Variants in PATJ observed in about 807,000 individuals in gnomAD.
The protein encoded by PATJ is PATJ crumbs cell polarity complex component.
Under a neutral mutation model 224.9 loss-of-function variants are expected in PATJ, and 190 were observed. The ratio of observed to expected loss-of-function variants is 0.84; its 90% CI spans 0.75 to 0.95. The LOEUF (loss-of-function observed/expected upper bound fraction) is 0.95, where lower values mean the gene tolerates loss of function less well. Among genes scored for constraint, PATJ ranks in the 40% least tolerant of loss-of-function variants. The pLI is 0.00. For synonymous variants in PATJ, 769 were observed against 820.3 expected (o/e 0.94, Z 1.07); for missense variants, 2,121 against 2,270.3 (o/e 0.93, Z 1.34).
chr1:62,126,007 G>A (rs577575856), intron 39 of PATJ, among the ~76,000 whole-genome samples: 20 of 152,326 alleles, frequency 1.3e-4, no homozygotes, highest in African/African-American at 4.3e-4. Context: ...CTGACCTCGA[G>A]TGTTCCACCC....
chr1:62,060,029 A>T (rs1655165809), intron 31 of PATJ, among the ~76,000 whole-genome samples: 1 of 152,164 alleles, frequency 6.6e-6, no homozygotes, highest in Admixed American at 6.5e-5. Context: ...CTGTTTTTAG[A>T]TGTCTCTGTA....
At chr1:61,838,362 T>C (rs1056256976) in intron 17 of PATJ, among the ~76,000 whole-genome samples, 5 of 147,456 alleles carry the variant, frequency 3.4e-5, no homozygotes. Context: ...CTCTGTTTCT[T>C]TTTTTTTTTT....
At chr1:62,100,278 C>T (rs1193912281) in intron 33 of PATJ, 1 of 693,302 alleles carries the variant, frequency 1.4e-6, no homozygotes, top group Non-Finnish European at 2.7e-6. Flanking sequence ...ATATCTGAGA[C>T]TGGGTAATTT....
intron 33 of PATJ, among the ~76,000 whole-genome samples, chr1:62,095,193 G>T (rs190017516): frequency 6.6e-6 from 1 of 152,272 alleles, no homozygotes; most frequent in East Asian, 1.9e-4. Flanking sequence ...TTGAGTGTTA[G>T]ATTCATCCAA....
At position 61,861,542 on chromosome 1, in the gene PATJ, T is replaced by C. The variant is rs1031648316; in HGVS notation, c.2323-9T>C. 1 of 1,201,408 alleles carries C rather than the reference T, an allele frequency of 8.3e-7. No individual in the cohort carries two copies. The highest frequency in any genetic ancestry group is 1.2e-6 in the Non-Finnish European group (1 of 842,500). 74.4% of individuals were successfully genotyped at this position (1,201,408 alleles called of 1,614,324 possible). Reference sequence around the variant, plus strand: ...CTTATTTATAAATAAAAGTGGTTTATATTTTCAGGAAGATAATGAAGAAGA... The same window carrying C: ...CTTATTTATAAATAAAAGTGGTTTACATTTTCAGGAAGATAATGAAGAAGA... On this transcript the variant is annotated splice_polypyrimidine_tract_variant and intron_variant, in intron 18 of 43. Coordinates refer to ENST00000642238, the MANE Select transcript of PATJ (RefSeq NM_001350145.3).
intron 4 of PATJ, 25 bp from the exon 5 acceptor site, chr1:61,769,256 CTT>C (rs566258796): frequency 1.1e-5 from 14 of 1,321,846 alleles, no homozygotes; most frequent in Admixed American, 4.2e-5. Context: ...ACACCATTGA[CTT>C]TTTTTTTTAA....
In PATJ at chr1:62,114,067, C is replaced by T. The variant is rs1276212976; in HGVS notation, c.4476C>T (p.Asp1492=). 1.2e-6 allele frequency: 2 copies of T among 1,613,924 alleles called. No homozygotes were observed. Among genetic ancestry groups the T allele is most frequent in the Non-Finnish European group, 1.7e-6 (2 of 1,179,982 alleles). ...GDQILEVNGV[D]LRNSSHEEAI... is the part of the protein sequence containing the mutation. ...CATTGTTCCAGGTTAATGGGGTTGA[C>T]CTGAGGAACTCCAGCCACGAAGAAG... Residue 1492 remains aspartate (D), a synonymous_variant, in exon 35 of 44, where the codon GAC becomes GAT. Transcript: ENST00000642238.
intron 14 of PATJ, among the ~76,000 whole-genome samples, chr1:61,819,335 A>G (rs985909442): frequency 1.3e-5 from 2 of 152,174 alleles, no homozygotes; most frequent in Non-Finnish European, 2.9e-5. Context: ...TTTGCCTATC[A>G]TATCAGGACT....
chr1:61,749,779 A>G (rs1645224375), intron 1 of PATJ, among the ~76,000 whole-genome samples: 1 of 151,858 alleles, frequency 6.6e-6, no homozygotes, highest in Non-Finnish European at 1.5e-5. Context: ...CCTGGGCTCA[A>G]CTGATCCTCC....
chr1:61,767,787 C>A (rs192992305), intron 4 of PATJ, among the ~76,000 whole-genome samples: 1 of 151,722 alleles, frequency 6.6e-6, no homozygotes, highest in East Asian at 2.0e-4. Context: ...AGCGATTCTC[C>A]TGCCTCAGCT....
chr1:62,136,451 C>A (rs959675158), intron 41 of PATJ, among the ~76,000 whole-genome samples: 4 of 151,952 alleles, frequency 2.6e-5, no homozygotes, highest in African/African-American at 9.7e-5. Flanking sequence ...CAGTAAGTTA[C>A]ACCAAAGGCC....
At chr1:61,826,274 C>T (rs1182427988) in intron 15 of PATJ, among the ~76,000 whole-genome samples, 1 of 150,844 alleles carries the variant, frequency 6.6e-6, no homozygotes, top group African/African-American at 2.4e-5. Flanking sequence ...TTTCCAGCAA[C>T]CCAGTGTCCT....
chr1:62,073,220 G>C (rs1657739372), intron 31 of PATJ: 4 of 985,360 alleles, frequency 4.1e-6, no homozygotes, highest in Non-Finnish European at 4.8e-6. Flanking sequence ...AGGTTGTGGA[G>C]TGTCATGCAA....
intron 1 of PATJ, among the ~76,000 whole-genome samples, chr1:61,743,129 C>T (rs1644848813): frequency 1.3e-5 from 2 of 152,212 alleles, no homozygotes; most frequent in South Asian, 4.1e-4. Flanking sequence ...CGTCGCGGCG[C>T]CTGGTCATCC....
chr1:61,930,167 G>A (rs551227210), intron 27 of PATJ, among the ~76,000 whole-genome samples: 12 of 151,720 alleles, frequency 7.9e-5, no homozygotes, highest in South Asian at 4.2e-4. Flanking sequence ...TTCCTTCCCC[G>A]TGTACAGTCC....
Position 62,078,468 on chromosome 1 carries a change from T to C in PATJ, c.4126-982T>C, listed in dbSNP as rs907449956. On this transcript the variant is annotated intron_variant, in intron 31 of 43. Coordinates refer to ENST00000642238, the MANE Select transcript of PATJ (RefSeq NM_001350145.3). ...TGGCTAATTTTTGTATTTTTTTCAG[T>C]AGAGATGGGGTTTCACCATGTTAGC... 2.6e-5 allele frequency among the ~76,000 whole-genome samples: 4 copies of C among 151,942 alleles called. No individual in the cohort carries two copies. In the East Asian group the frequency reaches 5.8e-4, roughly 22 times the overall value.
chr1:61,835,123 C>G (rs1049004910), intron 17 of PATJ, among the ~76,000 whole-genome samples: 1 of 152,148 alleles, frequency 6.6e-6, no homozygotes, highest in Admixed American at 6.5e-5. Context: ...AGCCCTCTTC[C>G]TTTTTAGAAT....
intron 21 of PATJ, 32 bp from the exon 22 acceptor site, chr1:61,884,203 CTT>C: frequency 6.5e-7 from 1 of 1,542,488 alleles, no homozygotes. Context: ...ATGAGTGCCT[CTT>C]GTGTTCACTG....
chr1:61,914,328 C>T lies in PATJ; in HGVS notation c.3493-259C>T, dbSNP rs150320088. ...AAAATTAGCTGGGTGTGGTGGCAGG[C>T]GCCTATTACCCCAGCTACTCAGGAG... On this transcript the variant is annotated intron_variant, in intron 25 of 43. Coordinates refer to ENST00000642238, the MANE Select transcript of PATJ (RefSeq NM_001350145.3). 2.6e-3 allele frequency among the ~76,000 whole-genome samples: 392 copies of T among 152,142 alleles called. 3 individuals are homozygous for T. The highest frequency in any genetic ancestry group is 9.1e-3 in the African/African-American group (377 of 41,486).
Sources: allele counts gnomAD v4.1 joint callset (sites outside exome capture counted in the v4.1 genomes callset), GRCh38; gene constraint gnomAD v4.1.1; transcripts MANE v1.5; gene names NCBI Gene and HGNC (gene_info 2026-07-23, HGNC 2026-07-21).